Variants in COL4A4 observed in about 807,000 individuals in gnomAD.
COL4A4 encodes the protein collagen type IV alpha 4 chain, also known as collagen alpha-4(IV) chain.
In COL4A4, 105 loss-of-function variants were observed where a neutral mutation model predicts 192.9. The observed-to-expected ratio is 0.54, with a 90% CI of 0.46 to 0.64. COL4A4 has a LOEUF of 0.64. COL4A4 is among the 30% of genes least tolerant of loss of function. COL4A4 has a pLI of 0.00. For missense variants in COL4A4, 1,967 were observed against 2,169.3 expected (o/e 0.91, Z 1.85); for synonymous variants, 762 against 769.9 (o/e 0.99, Z 0.17).
chr2:227,030,474 A>G lies in COL4A4; in HGVS notation c.3942T>C (p.Phe1314=). The G allele has an allele frequency of 6.2e-7, 1 of 1,614,174 alleles. No individual in the cohort carries two copies. Among genetic ancestry groups the G allele is most frequent in the African/African-American group, 1.3e-5 (1 of 75,044 alleles). The change falls in exon 41 of 48, where the codon TTT becomes TTC. Residue 1314 remains phenylalanine, a synonymous_variant. Coordinates refer to ENST00000396625, the MANE Select transcript of COL4A4 (RefSeq NM_000092.5). The part of the protein sequence containing the change: ...GPPGPPGYKG[F]PGCDGKDGQK... ...GGCCATCTTTTCCATCACATCCTGG[A>G]AAGCCTTTGTATCCTGGAGGGCCTG...
At chr2:227,122,939 A>G (rs2061880179) in intron 4 of COL4A4, among the ~76,000 whole-genome samples, 1 of 151,990 alleles carries the variant, frequency 6.6e-6, no homozygotes, top group Non-Finnish European at 1.5e-5. Flanking sequence ...ATCGCGGCTC[A>G]CTGCAGCCTC....
Position 227,050,052 on chromosome 2 carries a change from T to C in COL4A4, c.3214+16A>G, listed in dbSNP as rs756074778. On this transcript the variant is annotated intron_variant, in intron 34 of 47. Transcript: ENST00000396625. ...CTATGCATTTGACAGATGGCTTCTG[T>C]ATCTCCAAACCATACCTTTAGGTCC... The C allele has an allele frequency of 1.9e-6, 3 of 1,612,716 alleles. No homozygotes were observed. In the South Asian group the frequency reaches 3.3e-5, roughly 18 times the overall value.
chr2:226,969,157 T>A, the COL4A4 span: 1 of 155,048 alleles, frequency 6.4e-6, no homozygotes. Flanking sequence ...GTGGTGGCAG[T>A]AGCATTGGTG....
chr2:227,053,559 T>G (rs1249601759), intron 31 of COL4A4, among the ~76,000 whole-genome samples: 7 of 146,226 alleles, frequency 4.8e-5, no homozygotes, highest in Non-Finnish European at 7.5e-5. Flanking sequence ...TTTTTTTTTT[T>G]TTTTTGGAGA....
chr2:227,048,098 T>C (rs1973282882), intron 34 of COL4A4, among the ~76,000 whole-genome samples: 1 of 152,158 alleles, frequency 6.6e-6, no homozygotes, highest in Admixed American at 6.5e-5. Flanking sequence ...CACTCCATAA[T>C]GCTTCCAGAC....
the COL4A4 span, among the ~76,000 whole-genome samples, chr2:226,968,553 G>A: frequency 5.3e-5 from 8 of 152,294 alleles, no homozygotes; most frequent in South Asian, 1.7e-3. Context: ...CTTCACAGCA[G>A]CACCCTGATT....
chr2:227,044,074 T>G (rs557805573), intron 35 of COL4A4, among the ~76,000 whole-genome samples: 1 of 152,336 alleles, frequency 6.6e-6, no homozygotes, highest in East Asian at 1.9e-4. Context: ...TCTCTAGTTT[T>G]CTAGAACAGA....
intron 42 of COL4A4, among the ~76,000 whole-genome samples, chr2:227,026,447 C>T (rs887370231): frequency 3.3e-5 from 5 of 149,796 alleles, no homozygotes; most frequent in African/African-American, 9.9e-5. Context: ...TGCAGTGAGC[C>T]GAGATCGCAC....
At chr2:226,988,296 C>T in the COL4A4 span, 1 of 1,538,910 alleles carries the variant, frequency 6.5e-7, no homozygotes, top group Non-Finnish European at 8.8e-7. Flanking sequence ...TTCCCCTGTC[C>T]TTCCCTTCCA....
intron 28 of COL4A4, among the ~76,000 whole-genome samples, chr2:227,058,701 G>T (rs1464684839): frequency 6.6e-6 from 1 of 152,196 alleles, no homozygotes; most frequent in East Asian, 1.9e-4. Context: ...AGTTCAGAAT[G>T]TGGGGCCCCA....
intron 4 of COL4A4, among the ~76,000 whole-genome samples, chr2:227,134,922 G>A (rs752780789): frequency 1.3e-5 from 2 of 152,204 alleles, no homozygotes; most frequent in African/African-American, 4.8e-5. Context: ...ACTGTGGACA[G>A]TGTCTTTATT....
At chr2:227,043,227 A>G in intron 35 of COL4A4, 43 bp from the exon 36 acceptor site, 1 of 1,510,720 alleles carries the variant, frequency 6.6e-7, no homozygotes, top group Non-Finnish European at 9.2e-7. Context: ...CGTTTGAGAC[A>G]GTGAATCTTT....
the COL4A4 span, among the ~76,000 whole-genome samples, chr2:226,993,957 C>T: frequency 6.6e-6 from 1 of 152,242 alleles, no homozygotes; most frequent in Admixed American, 6.5e-5. Context: ...TGTTTACTTG[C>T]TTTCCCTCCT....
At chr2:227,059,995 A>G (rs897587979) in intron 27 of COL4A4, 141 bp downstream of exon 27, 3 of 668,712 alleles carry the variant, frequency 4.5e-6, no homozygotes, top group Admixed American at 2.8e-5. Flanking sequence ...AGGGTCTATC[A>G]AGAAACACCA....
At chr2:227,054,838 G>A in intron 30 of COL4A4, 101 bp from the exon 31 acceptor site, 1 of 1,296,800 alleles carries the variant, frequency 7.7e-7, no homozygotes, top group Non-Finnish European at 1.1e-6. Flanking sequence ...CACCCAGGCT[G>A]AAGTGCAGTG....
chr2:226,981,316 G>T, the COL4A4 span, among the ~76,000 whole-genome samples: 2 of 151,734 alleles, frequency 1.3e-5, no homozygotes, highest in Non-Finnish European at 2.9e-5. Context: ...GTATACCTAT[G>T]TAACGAGACC....
intron 44 of COL4A4, among the ~76,000 whole-genome samples, chr2:227,018,642 G>A (rs550993368): frequency 2.6e-5 from 4 of 152,248 alleles, no homozygotes; most frequent in South Asian, 2.1e-4. Context: ...AAGAGAAGGC[G>A]ATGCTTCACC....
intron 17 of COL4A4, 39 bp from the exon 18 acceptor site, chr2:227,099,728 A>G (rs1438250753): frequency 5.8e-6 from 9 of 1,558,526 alleles, no homozygotes; most frequent in Non-Finnish European, 8.0e-6. Flanking sequence ...AAGGAATATT[A>G]ATTTTACTCA....
intron 12 of COL4A4, among the ~76,000 whole-genome samples, chr2:227,106,832 C>G (rs1265531993): frequency 6.6e-6 from 1 of 152,222 alleles, no homozygotes; most frequent in East Asian, 1.9e-4. Flanking sequence ...TCCCAAAGTA[C>G]TGGGATTACA....
Sources: gnomAD v4.1 joint callset for allele counts (sites outside exome capture counted in the v4.1 genomes callset) on GRCh38, gnomAD v4.1.1 for gene constraint, MANE v1.5 for transcripts, NCBI Gene and HGNC (gene_info 2026-07-23, HGNC 2026-07-21) for gene names.